PRKRA: variants seen among roughly 807,000 people sequenced by gnomAD.
PRKRA encodes interferon-inducible double-stranded RNA-dependent protein kinase activator A.
Under a neutral mutation model 32.4 loss-of-function variants are expected in PRKRA, and 22 were observed. The ratio of observed to expected loss-of-function variants is 0.68; its 90% CI spans 0.49 to 0.97. The LOEUF (loss-of-function observed/expected upper bound fraction) is 0.97, where lower values mean the gene tolerates loss of function less well. Among genes scored for constraint, PRKRA ranks in the 50% least tolerant of loss-of-function variants. The pLI is 0.00. For synonymous variants in PRKRA, 139 were observed against 129.8 expected (o/e 1.07, Z -0.48); for missense variants, 319 against 375.6 (o/e 0.85, Z 1.25).
At chr2:178,432,490 T>A (rs1045269062) in intron 7 of PRKRA, among the ~76,000 whole-genome samples, 1 of 152,198 alleles carries the variant, frequency 6.6e-6, no homozygotes, top group Admixed American at 6.5e-5. Flanking sequence ...CATACAGATA[T>A]CTAGGCTGCA....
intron 6 of PRKRA, among the ~76,000 whole-genome samples, chr2:178,441,377 C>T (rs1057369832): frequency 6.6e-6 from 1 of 152,160 alleles, no homozygotes; most frequent in South Asian, 2.1e-4. Flanking sequence ...CTTTAGATCC[C>T]GTCCTATTAT....
intron 6 of PRKRA, chr2:178,439,048 ATTC>A (rs1035217067): frequency 1.3e-5 from 2 of 152,128 alleles, no homozygotes; most frequent in African/African-American, 4.8e-5. Context: ...TTTCTGCTCT[ATTC>A]TTTAGTAGAC....
chr2:178,435,846 C>A (rs944866781), intron 7 of PRKRA, among the ~76,000 whole-genome samples: 4 of 152,200 alleles, frequency 2.6e-5, no homozygotes, highest in African/African-American at 9.7e-5. Flanking sequence ...TAGAGTTAGT[C>A]TGAGGATTCA....
At position 178,451,044 on chromosome 2, in the gene PRKRA, G is replaced by C. The variant is rs181793341; in HGVS notation, c.-14C>G. The C allele has an allele frequency of 6.4e-7, 1 of 1,554,200 alleles. No individual in the cohort carries two copies. Among genetic ancestry groups the C allele is most frequent in the Admixed American group, 1.8e-5 (1 of 54,250 alleles). On this transcript the variant is annotated 5_prime_UTR_variant, in exon 1 of 8. Transcript: ENST00000325748. Reference sequence around the variant, plus strand: ...GCTCTGGGACATGGCGAGAAGGGACGGCTCAGCGGCTGGAGGAAGAGCGGT... The same window carrying C: ...GCTCTGGGACATGGCGAGAAGGGACCGCTCAGCGGCTGGAGGAAGAGCGGT...
intron 7 of PRKRA, among the ~76,000 whole-genome samples, chr2:178,435,436 A>T (rs1248063730): frequency 6.6e-6 from 1 of 151,840 alleles, no homozygotes; most frequent in Non-Finnish European, 1.5e-5. Context: ...ACAACTAATT[A>T]GCTCTATAAA....
In PRKRA at chr2:178,444,410, T is replaced by C. The variant is rs1288038429; in HGVS notation, c.396+12A>G. ...TATATTTCATCAGTAGGCAAAGAAC[T>C]GTACAACTTACCTGTAATGAACCAA... On this transcript the variant is annotated intron_variant, in intron 4 of 7. Transcript: ENST00000325748. 1.3e-6 allele frequency: 1 copy of C among 742,638 alleles called. No homozygotes were observed. The highest frequency in any genetic ancestry group is 5.4e-5 in the East Asian group (1 of 18,368). The allele number at this position is 742,638 out of a possible 1,614,324, so 46.0% of individuals were successfully genotyped here. A position where few individuals can be genotyped will look rare whatever the true frequency, so the allele number is the denominator to read the frequency against.
At chr2:178,450,831 G>A in intron 1 of PRKRA, 135 bp downstream of exon 1, 2 of 1,363,492 alleles carry the variant, frequency 1.5e-6, no homozygotes, top group South Asian at 1.7e-5. Flanking sequence ...GGGCGGGGCC[G>A]AGCACCCACA....
intron 3 of PRKRA, chr2:178,445,753 CAG>C (rs1267121266): frequency 1.9e-5 from 3 of 154,342 alleles, no homozygotes; most frequent in East Asian, 1.9e-4. Flanking sequence ...TGTTTGGAGA[CAG>C]AGTCTTGCTC....
Position 178,447,600 on chromosome 2 carries a change from T to A in PRKRA, c.236-14A>T. The A allele has an allele frequency of 2.5e-6, 2 of 794,736 alleles. No homozygotes were observed. Among genetic ancestry groups the A allele is most frequent in the Non-Finnish European group, 3.6e-6 (2 of 550,162 alleles). 49.2% of individuals were successfully genotyped at this position (794,736 alleles called of 1,614,324 possible). On this transcript the variant is annotated splice_polypyrimidine_tract_variant and intron_variant, in intron 2 of 7. Coordinates refer to ENST00000325748, the MANE Select transcript of PRKRA (RefSeq NM_003690.5). ...TTGTACCTTCACCTGAATTAAGATTTAAAAAAAGAAGTCTTTATCTCCCAC... is the reference window on the plus strand; with the variant it reads ...TTGTACCTTCACCTGAATTAAGATTAAAAAAAAGAAGTCTTTATCTCCCAC...
intron 2 of PRKRA, among the ~76,000 whole-genome samples, chr2:178,448,723 C>G (rs1575100439): frequency 6.6e-6 from 1 of 152,084 alleles, no homozygotes; most frequent in South Asian, 2.1e-4. Context: ...GTAGCAATGG[C>G]CAGAAGAGAG....
intron 7 of PRKRA, among the ~76,000 whole-genome samples, chr2:178,434,627 C>T (rs1057235877): frequency 5.9e-5 from 9 of 152,092 alleles, no homozygotes; most frequent in African/African-American, 1.9e-4. Flanking sequence ...TCTGCACTGA[C>T]TTCCCAGGTT....
rs1697515925 is a variant in PRKRA, at chr2:178,450,232, G to A, written c.235+10C>T. On this transcript the variant is annotated intron_variant, in intron 2 of 7. Transcript: ENST00000325748. ...CCACTCGGTCATCCAGGTTAACTGT[G>A]TATACAGACCTGTGCAGGTTATGTC... is the stretch of plus-strand genomic sequence containing the variant. The A allele has an allele frequency of 6.2e-7, 1 of 1,614,152 alleles. No individual in the cohort carries two copies. The highest frequency in any genetic ancestry group is 8.5e-7 in the Non-Finnish European group (1 of 1,180,050).
At chr2:178,436,840 G>C (rs901812237) in intron 6 of PRKRA, among the ~76,000 whole-genome samples, 7 of 151,928 alleles carry the variant, frequency 4.6e-5, no homozygotes, top group Admixed American at 2.6e-4. Flanking sequence ...TCAAATAAAT[G>C]ACAGGATGTC....
chr2:178,444,638 T>C (rs1697249201), intron 3 of PRKRA, 138 bp from the exon 4 acceptor site: 1 of 721,222 alleles, frequency 1.4e-6, no homozygotes, highest in Non-Finnish European at 2.4e-6. Flanking sequence ...TTCTCAGACC[T>C]CTTCTATGGG....
chr2:178,432,300 A>C, intron 7 of PRKRA, 46 bp from the exon 8 acceptor site: 2 of 1,095,398 alleles, frequency 1.8e-6, no homozygotes, highest in Non-Finnish European at 2.5e-6. Flanking sequence ...CAATATGTAT[A>C]AAGTGGATCC....
At chr2:178,441,445 T>G (rs1282175646) in intron 6 of PRKRA, among the ~76,000 whole-genome samples, 165 bp downstream of exon 6, 1 of 152,168 alleles carries the variant, frequency 6.6e-6, no homozygotes, top group African/African-American at 2.4e-5. Flanking sequence ...TGATCCTGAC[T>G]CACAAACAGG....
In PRKRA at chr2:178,431,682, T is replaced by G. The variant is rs1696656592; in HGVS notation, c.*415A>C. On this transcript the variant is annotated 3_prime_UTR_variant, in exon 8 of 8. Coordinates refer to ENST00000325748, the MANE Select transcript of PRKRA (RefSeq NM_003690.5). ...ATCAATCATACTTAATAAAGGCCTG[T>G]TAGTGCTGTCCCTCAAGACTCTAAT... is the stretch of plus-strand genomic sequence containing the variant. 3 of 240,474 alleles carry G rather than the reference T, an allele frequency of 1.2e-5. No homozygotes were observed. In the East Asian group the frequency reaches 2.9e-4, roughly 23 times the overall value. The allele number at this position is 240,474 out of a possible 1,614,324, so 14.9% of individuals were successfully genotyped here. A position where few individuals can be genotyped will look rare whatever the true frequency, so the allele number is the denominator to read the frequency against.
At chr2:178,440,375 CAT>C (rs1697066322) in intron 6 of PRKRA, 1 of 152,130 alleles carries the variant, frequency 6.6e-6, no homozygotes, top group South Asian at 2.1e-4. Flanking sequence ...TAATGTACCA[CAT>C]GACACACCTA....
Position 178,431,763 on chromosome 2 carries a change from A to G in PRKRA, c.*334T>C. On this transcript the variant is annotated 3_prime_UTR_variant, in exon 8 of 8. Coordinates refer to ENST00000325748, the MANE Select transcript of PRKRA (RefSeq NM_003690.5). ...AAAGCTTTGTGCAAAGAAGAGCTTA[A>G]GCACCAGTAAGAAAGACTGTCGCTA... 2.8e-6 allele frequency: 1 copy of G among 361,060 alleles called. No individual in the cohort carries two copies. Among genetic ancestry groups the G allele is most frequent in the Non-Finnish European group, 5.2e-6 (1 of 191,204 alleles). The allele number at this position is 361,060 out of a possible 1,614,324, so 22.4% of individuals were successfully genotyped here. A position where few individuals can be genotyped will look rare whatever the true frequency, so the allele number is the denominator to read the frequency against.
Sources: gnomAD v4.1 joint callset for allele counts (sites outside exome capture counted in the v4.1 genomes callset) on GRCh38, gnomAD v4.1.1 for gene constraint, MANE v1.5 for transcripts, NCBI Gene and HGNC (gene_info 2026-07-23, HGNC 2026-07-21) for gene names.